AAK1: variants seen among roughly 807,000 people sequenced by gnomAD.
AAK1 encodes the protein AP2-associated protein kinase 1.
AAK1 carries 37 observed loss-of-function variants against 116.0 expected under a neutral mutation model. That is an observed-to-expected ratio of 0.32 (90% CI 0.25 to 0.42). The LOEUF (loss-of-function observed/expected upper bound fraction) is 0.42. Among genes scored for constraint, AAK1 ranks in the 10% least tolerant of loss-of-function variants. The probability of loss-of-function intolerance (pLI) is 1.00; values close to 1 mark genes in which losing one functional copy is unlikely to be tolerated. For missense variants in AAK1, 919 were observed against 1,170.6 expected, an observed-to-expected ratio of 0.79 and a Z score of 3.14; for synonymous variants, 458 against 439.9, an observed-to-expected ratio of 1.04 and a Z score of -0.51.
intron 5 of AAK1, among the ~76,000 whole-genome samples, chr2:69,539,458 C>T (rs527731273): frequency 6.6e-6 from 1 of 152,092 alleles, no homozygotes; most frequent in African/African-American, 2.4e-5. Context: ...ATCATAAGAG[C>T]GGTGCCCACC....
chr2:69,531,667 A>T, intron 6 of AAK1: 1 of 1,001,514 alleles, frequency 1.0e-6, no homozygotes, highest in Non-Finnish European at 1.2e-6. Context: ...AGTAAAAAGC[A>T]CATCTGTTTG....
At position 69,474,637 on chromosome 2, in the gene AAK1, C is replaced by T; in HGVS notation, c.*1232G>A. 1 of 985,522 alleles carries T rather than the reference C, an allele frequency of 1.0e-6. No individual in the cohort carries two copies. The highest frequency in any genetic ancestry group is 1.2e-6 in the Non-Finnish European group (1 of 829,888). The allele number at this position is 985,522 out of a possible 1,614,324, so 61.0% of individuals were successfully genotyped here. A position where few individuals can be genotyped will look rare whatever the true frequency, so the allele number is the denominator to read the frequency against. On this transcript the variant is annotated 3_prime_UTR_variant, in exon 22 of 22. Transcript: ENST00000409085. Reference sequence around the variant, plus strand: ...CAGAAAGAAAGGTAAGCTGGGCACACCCAGATTGTGTCCAGCTTGTCAGCA... The same window carrying T: ...CAGAAAGAAAGGTAAGCTGGGCACATCCAGATTGTGTCCAGCTTGTCAGCA...
rs1232440664 is a variant in AAK1 at position 69,470,828 on chromosome 2, C to T, written c.*5041G>A. The T allele has an allele frequency of 1.0e-6, 1 of 985,740 alleles. No individual in the cohort carries two copies. Among genetic ancestry groups the T allele is most frequent in the Non-Finnish European group, 1.2e-6 (1 of 829,942 alleles). The allele number at this position is 985,740 out of a possible 1,614,324, so 61.1% of individuals were successfully genotyped here. On this transcript the variant is annotated 3_prime_UTR_variant, in exon 22 of 22. Coordinates refer to ENST00000409085, the MANE Select transcript of AAK1 (RefSeq NM_014911.5). ...CCCAGGTACTTATTGTCACTCAATA[C>T]TGTGATTAAATCCTTTCTGCAAAAA... is the stretch of plus-strand genomic sequence containing the variant.
chr2:69,582,354 A>G (rs1672580976), intron 2 of AAK1, among the ~76,000 whole-genome samples: 1 of 152,180 alleles, frequency 6.6e-6, no homozygotes, highest in Non-Finnish European at 1.5e-5. Context: ...ATCTCTATAC[A>G]TGAAAAACCT....
At chr2:69,580,292 T>C (rs987019969) in intron 2 of AAK1, among the ~76,000 whole-genome samples, 2 of 152,182 alleles carry the variant, frequency 1.3e-5, no homozygotes, top group Admixed American at 6.5e-5. Flanking sequence ...CCATTATGTT[T>C]GTACTAAAGA....
At chr2:69,551,053 T>A (rs1367649828) in intron 3 of AAK1, among the ~76,000 whole-genome samples, 2 of 152,166 alleles carry the variant, frequency 1.3e-5, no homozygotes, top group African/African-American at 4.8e-5. Flanking sequence ...CCTGTGTTTT[T>A]TTTTCAGGCA....
At chr2:69,506,726 T>C (rs1676199030) in intron 15 of AAK1, among the ~76,000 whole-genome samples, 1 of 152,242 alleles carries the variant, frequency 6.6e-6, no homozygotes, top group South Asian at 2.1e-4. Flanking sequence ...CAATAGTTCA[T>C]ACCACTCAAT....
chr2:69,613,302 C>T (rs1674168075), intron 2 of AAK1, among the ~76,000 whole-genome samples: 2 of 152,288 alleles, frequency 1.3e-5, no homozygotes, highest in South Asian at 4.2e-4. Context: ...GCACCTAAAA[C>T]CCTTGTAGTA....
chr2:69,533,051 G>C (rs1670322262), intron 5 of AAK1, among the ~76,000 whole-genome samples: 2 of 152,098 alleles, frequency 1.3e-5, no homozygotes, highest in Non-Finnish European at 2.9e-5. Context: ...CTATGTGTGG[G>C]CAGTAAAATG....
rs950841556 is a variant in AAK1, at chr2:69,611,437, C to G, written c.163+31441G>C. On this transcript the variant is annotated intron_variant, in intron 2 of 21. Transcript: ENST00000409085. Reference sequence around the variant, plus strand: ...CACTGTCAGACAACATTGAGACTTCCTTGGTAAAACTTATACAGCACATGG... The same window carrying G: ...CACTGTCAGACAACATTGAGACTTCGTTGGTAAAACTTATACAGCACATGG... Among the ~76,000 whole-genome samples, 3 of 152,140 alleles carry G rather than the reference C, an allele frequency of 2.0e-5. No individual in the cohort carries two copies. In the East Asian group the frequency reaches 5.8e-4, roughly 29 times the overall value.
At chr2:69,627,104 AT>A (rs1347015143) in intron 2 of AAK1, among the ~76,000 whole-genome samples, 2 of 151,970 alleles carry the variant, frequency 1.3e-5, no homozygotes, top group Non-Finnish European at 2.9e-5. Context: ...CCTGGCCAAT[AT>A]GGTGAAACCC....
intron 10 of AAK1, among the ~76,000 whole-genome samples, chr2:69,523,101 T>A (rs1233108376): frequency 6.6e-6 from 1 of 152,230 alleles, no homozygotes; most frequent in African/African-American, 2.4e-5. Context: ...TCAGTAACTG[T>A]CAATCTGTTT....
chr2:69,561,325 C>T (rs1671625806), intron 2 of AAK1, among the ~76,000 whole-genome samples: 3 of 152,308 alleles, frequency 2.0e-5, no homozygotes, highest in Admixed American at 2.0e-4. Context: ...AGACATTCAT[C>T]ACCACAGTTC....
intron 10 of AAK1, among the ~76,000 whole-genome samples, chr2:69,523,195 T>A (rs1262538353): frequency 5.3e-5 from 8 of 152,226 alleles, no homozygotes; most frequent in Non-Finnish European, 1.2e-4. Context: ...AAAGGGATCA[T>A]TGCTTACCCT....
chr2:69,622,803 A>C (rs568496979), intron 2 of AAK1, among the ~76,000 whole-genome samples: 28 of 152,260 alleles, frequency 1.8e-4, no homozygotes, highest in Middle Eastern at 3.4e-3. Flanking sequence ...TAAATACACC[A>C]ATCGACACTC....
At position 69,474,775 on chromosome 2, in the gene AAK1, TA is replaced by T. The variant is rs1231278701; in HGVS notation, c.*1093del. 6 of 985,732 alleles carry T rather than the reference TA, an allele frequency of 6.1e-6. No individual in the cohort carries two copies. Among genetic ancestry groups the T allele is most frequent in the Middle Eastern group, 1.0e-3 (2 of 1,936 alleles). 61.1% of individuals were successfully genotyped at this position (985,732 alleles called of 1,614,324 possible). The stretch of plus-strand genomic sequence containing the variant: ...CAAAATGATTCCATATGTTACACTG[TA>T]GGATTGTTGTGTAGTTATACAAGGG... On this transcript the variant is annotated 3_prime_UTR_variant, in exon 22 of 22. Transcript: ENST00000409085.
Position 69,643,263 on chromosome 2 carries a change from G to T in AAK1, c.-223C>A. 1 of 1,408,468 alleles carries T rather than the reference G, an allele frequency of 7.1e-7. No homozygotes were observed. The highest frequency in any genetic ancestry group is 9.2e-7 in the Non-Finnish European group (1 of 1,089,830). 87.2% of individuals were successfully genotyped at this position (1,408,468 alleles called of 1,614,324 possible). ...CCTCCTCCTCCAGAAAGCGATTCGT[G>T]TAAGTTTAAACCTGTGATGACAGAG... On this transcript the variant is annotated 5_prime_UTR_variant, in exon 2 of 22. Transcript: ENST00000409085.
intron 15 of AAK1, among the ~76,000 whole-genome samples, chr2:69,506,834 A>G (rs949219706): frequency 1.3e-5 from 2 of 151,212 alleles, no homozygotes; most frequent in South Asian, 2.1e-4. Context: ...AGAATTATGC[A>G]TATTAGAATT....
intron 3 of AAK1, among the ~76,000 whole-genome samples, chr2:69,552,470 T>A (rs1262949984): frequency 4.6e-5 from 7 of 152,162 alleles, no homozygotes; most frequent in Non-Finnish European, 7.4e-5. Flanking sequence ...CCCAGCACTT[T>A]GGGAGGCTGA....
Sources: allele counts gnomAD v4.1 joint callset (sites outside exome capture counted in the v4.1 genomes callset), GRCh38; gene constraint gnomAD v4.1.1; transcripts MANE v1.5; gene names NCBI Gene and HGNC (gene_info 2026-07-23, HGNC 2026-07-21).